Variants in TESK2 observed in about 807,000 individuals in gnomAD.
TESK2 encodes testis associated actin remodelling kinase 2, also known as dual specificity testis-specific protein kinase 2.
Under a neutral mutation model 57.1 loss-of-function variants are expected in TESK2, and 39 were observed. That is an observed-to-expected ratio of 0.68 (90% CI 0.53 to 0.89). The LOEUF (loss-of-function observed/expected upper bound fraction) is 0.89, where lower values mean the gene tolerates loss of function less well. Ranked by LOEUF, TESK2 falls within the 40% of genes least tolerant of loss-of-function variation. The pLI, the probability that TESK2 is intolerant of heterozygous loss-of-function variation, is 0.00. For missense variants in TESK2, 646 were observed against 732.1 expected, an observed-to-expected ratio of 0.88 and a Z score of 1.36; for synonymous variants, 249 against 267.9, an observed-to-expected ratio of 0.93 and a Z score of 0.69.
chr1:45,367,404 T>A (rs1282688061), intron 4 of TESK2, among the ~76,000 whole-genome samples: 1 of 138,168 alleles, frequency 7.2e-6, no homozygotes, highest in East Asian at 2.1e-4. Flanking sequence ...CTCGTTCTCC[T>A]TTTTTTTTTT....
intron 3 of TESK2, among the ~76,000 whole-genome samples, chr1:45,420,639 C>A (rs1436123102): frequency 6.7e-6 from 1 of 149,578 alleles, no homozygotes; most frequent in Non-Finnish European, 1.5e-5. Flanking sequence ...GCAATCTCAG[C>A]TCACTGCACT....
At chr1:45,447,112 G>C (rs1478880012) in intron 2 of TESK2, among the ~76,000 whole-genome samples, 1 of 152,116 alleles carries the variant, frequency 6.6e-6, no homozygotes, top group East Asian at 1.9e-4. Context: ...AGATACTCAG[G>C]AGGCTGAAGC....
intron 1 of TESK2, among the ~76,000 whole-genome samples, chr1:45,486,782 T>C (rs1422461462): frequency 1.6e-4 from 18 of 115,884 alleles, no homozygotes; most frequent in African/African-American, 3.0e-4. Flanking sequence ...CCTCCCAGCA[T>C]ACACACACAC....
intron 3 of TESK2, among the ~76,000 whole-genome samples, chr1:45,391,337 C>T (rs960150758): frequency 6.6e-6 from 1 of 151,764 alleles, no homozygotes; most frequent in African/African-American, 2.4e-5. Flanking sequence ...CCCACCTCAG[C>T]CTCCTGAGTA....
intron 2 of TESK2, among the ~76,000 whole-genome samples, chr1:45,455,389 CA>C (rs1467773786): frequency 6.6e-6 from 1 of 152,150 alleles, no homozygotes; most frequent in African/African-American, 2.4e-5. Flanking sequence ...TACTCTTTAA[CA>C]AATAAACAAT....
chr1:45,427,113 C>T (rs1162723389), intron 2 of TESK2, among the ~76,000 whole-genome samples: 1 of 151,740 alleles, frequency 6.6e-6, no homozygotes, highest in Non-Finnish European at 1.5e-5. Flanking sequence ...CATGGTAGTG[C>T]ACGTCTGTAA....
In TESK2 at chr1:45,365,315, C is replaced by T. The variant is rs76881212; in HGVS notation, c.394-9866G>A. ...TTCACCAGGGCCTGCCTGACTGAAA[C>T]AGTCAGTAGTAATGAGCTGACTCAA... On this transcript the variant is annotated intron_variant, in intron 4 of 10. Transcript: ENST00000372086. Among the ~76,000 whole-genome samples the T allele has an allele frequency of 7.6e-4, 115 of 152,294 alleles. No homozygotes were observed. The East Asian group carries it at 0.013, about 17-fold the overall frequency.
chr1:45,468,773 C>T (rs1449857630), intron 1 of TESK2, among the ~76,000 whole-genome samples: 5 of 152,106 alleles, frequency 3.3e-5, no homozygotes, highest in African/African-American at 1.2e-4. Context: ...GGGATGAGCA[C>T]TACTGGTATT....
intron 2 of TESK2, among the ~76,000 whole-genome samples, chr1:45,423,458 G>A (rs1194891337): frequency 6.6e-6 from 1 of 151,808 alleles, no homozygotes; most frequent in Non-Finnish European, 1.5e-5. Context: ...TCGGGAGGCT[G>A]AGCCAGGAGA....
chr1:45,424,034 G>A (rs969903957), intron 2 of TESK2, among the ~76,000 whole-genome samples: 18 of 152,090 alleles, frequency 1.2e-4, no homozygotes, highest in African/African-American at 2.7e-4. Flanking sequence ...GATCTTTCTC[G>A]TTAAAAAAAT....
intron 4 of TESK2, among the ~76,000 whole-genome samples, chr1:45,379,320 G>A (rs181053727): frequency 3.1e-4 from 47 of 152,238 alleles, no homozygotes; most frequent in Admixed American, 2.8e-3. Flanking sequence ...AAACTATCAT[G>A]CCTGGCTAAT....
intron 4 of TESK2, chr1:45,385,270 G>A: frequency 1.1e-6 from 1 of 951,928 alleles, no homozygotes; most frequent in Non-Finnish European, 1.3e-6. Flanking sequence ...ACCCAAGCAA[G>A]GTCTGAAGTT....
chr1:45,347,621 G>T lies in TESK2; in HGVS notation c.696C>A (p.Pro232=), dbSNP rs146800432. 2.1e-4 allele frequency: 331 copies of T among 1,613,894 alleles called. 4 individuals are homozygous for T. The African/African-American group carries it at 3.5e-3, about 17-fold the overall frequency. Residue 232 remains proline, a synonymous_variant, in exon 7 of 11, where the codon CCC becomes CCA. Coordinates refer to ENST00000372086, the MANE Select transcript of TESK2 (RefSeq NM_007170.3). ...WMAPEVLRDE[P]YNEKADVFSY... ...CCTCCAAACTTACCTTTTCATTATA[G>T]GGCTCATCTCGGAGAACCTCAGGTG...
chr1:45,453,702 T>G (rs1651964370), intron 2 of TESK2, among the ~76,000 whole-genome samples: 1 of 152,096 alleles, frequency 6.6e-6, no homozygotes, highest in African/African-American at 2.4e-5. Context: ...TTAATCAGAA[T>G]TTAAAATTTC....
intron 4 of TESK2, among the ~76,000 whole-genome samples, chr1:45,379,169 A>T (rs1648551172): frequency 6.6e-6 from 1 of 152,180 alleles, no homozygotes; most frequent in Admixed American, 6.5e-5. Flanking sequence ...TGCCTTGCTC[A>T]CTTTTCCTTT....
At chr1:45,351,879 A>C (rs758327683) in intron 5 of TESK2, among the ~76,000 whole-genome samples, 4 of 152,222 alleles carry the variant, frequency 2.6e-5, no homozygotes, top group African/African-American at 9.7e-5. Flanking sequence ...AGAAAACAAA[A>C]GTAAATAAGA....
chr1:45,431,950 T>C (rs1650983361), intron 2 of TESK2, among the ~76,000 whole-genome samples: 1 of 151,540 alleles, frequency 6.6e-6, no homozygotes. Flanking sequence ...AACCAGAAAA[T>C]AAAAAATTTT....
chr1:45,469,838 G>A (rs1001134286), intron 1 of TESK2, among the ~76,000 whole-genome samples: 13 of 152,128 alleles, frequency 8.5e-5, no homozygotes, highest in African/African-American at 3.1e-4. Context: ...CACAGTATCT[G>A]CTGTTTCTCA....
intron 4 of TESK2, among the ~76,000 whole-genome samples, chr1:45,360,169 A>G (rs1647620481): frequency 6.6e-6 from 1 of 152,182 alleles, no homozygotes; most frequent in Admixed American, 6.5e-5. Context: ...TGCTCTCTTC[A>G]TTCTAGTTGA....
Sources: allele counts gnomAD v4.1 joint callset (sites outside exome capture counted in the v4.1 genomes callset), GRCh38; gene constraint gnomAD v4.1.1; transcripts MANE v1.5; gene names NCBI Gene and HGNC (gene_info 2026-07-23, HGNC 2026-07-21).